The following MAPKAPK2 variants were observed in gnomAD, a reference collection of about 807,000 sequenced individuals.
The protein encoded by MAPKAPK2 is MAPK activated protein kinase 2.
A neutral mutation model predicts 48.8 loss-of-function variants in MAPKAPK2; 9 were observed. That is an observed-to-expected ratio of 0.18 (90% CI 0.11 to 0.32). The LOEUF (loss-of-function observed/expected upper bound fraction) is 0.32. Ranked by LOEUF, MAPKAPK2 falls within the 10% of genes least tolerant of loss-of-function variation. MAPKAPK2 has a pLI of 1.00. For missense variants in MAPKAPK2, 331 were observed against 498.3 expected (o/e 0.66, Z 3.20); for synonymous variants, 202 against 190.6 (o/e 1.06, Z -0.49).
At chr1:206,714,618 A>C (rs1017015017) in intron 1 of MAPKAPK2, among the ~76,000 whole-genome samples, 9 of 151,032 alleles carry the variant, frequency 6.0e-5, no homozygotes, top group Non-Finnish European at 1.3e-4. Context: ...AAAAAAAATT[A>C]GTTGGGTGTG....
In MAPKAPK2 at chr1:206,731,318, GTA is replaced by G; in HGVS notation, c.892+58_892+59del. ...AGAGCCCGTGTGTGTGTGTGTGTGTGTATGTGTGTACACGCAGACACATGTAT... is the reference window on the plus strand; with the variant it reads ...AGAGCCCGTGTGTGTGTGTGTGTGTGTGTGTGTACACGCAGACACATGTAT... On this transcript the variant is annotated intron_variant, in intron 7 of 9. Coordinates refer to ENST00000367103, the MANE Select transcript of MAPKAPK2 (RefSeq NM_032960.4). This position sits in a 1 kb window ranked among gnomAD's most constrained non-coding sequence, Gnocchi z 5.9. 6.3e-7 allele frequency: 1 copy of G among 1,593,582 alleles called. No homozygotes were observed. The highest frequency in any genetic ancestry group is 8.6e-7 in the Non-Finnish European group (1 of 1,167,508).
At position 206,731,102 on chromosome 1, in the gene MAPKAPK2, G is replaced by T; in HGVS notation, c.768-36G>T. The T allele has an allele frequency of 2.5e-6, 4 of 1,614,050 alleles. No individual in the cohort carries two copies. The highest frequency in any genetic ancestry group is 3.4e-6 in the Non-Finnish European group (4 of 1,179,872). On this transcript the variant is annotated intron_variant, in intron 6 of 9. Coordinates refer to ENST00000367103, the MANE Select transcript of MAPKAPK2 (RefSeq NM_032960.4). This position sits in a 1 kb window ranked among gnomAD's most constrained non-coding sequence, Gnocchi z 5.9. Reference sequence around the variant, plus strand: ...GGTACAGGGCCACTAAGTGACAGCTGTTCTGTCTCCCACTTCCTTCCTCCT... The same window carrying T: ...GGTACAGGGCCACTAAGTGACAGCTTTTCTGTCTCCCACTTCCTTCCTCCT...
intron 1 of MAPKAPK2, among the ~76,000 whole-genome samples, chr1:206,689,130 G>C (rs1264477899): frequency 2.0e-5 from 3 of 152,174 alleles, no homozygotes; most frequent in Non-Finnish European, 4.4e-5. Flanking sequence ...GCATGTTACT[G>C]CTTTATAAAA....
chr1:206,706,180 T>C (rs1276798264), intron 1 of MAPKAPK2, among the ~76,000 whole-genome samples: 1 of 151,940 alleles, frequency 6.6e-6, no homozygotes, highest in Non-Finnish European at 1.5e-5. Context: ...AAAAGGCTGC[T>C]TTTCCCCTCC....
At chr1:206,718,826 G>T (rs1399121517) in intron 1 of MAPKAPK2, among the ~76,000 whole-genome samples, 1 of 151,984 alleles carries the variant, frequency 6.6e-6, no homozygotes, top group East Asian at 1.9e-4. Flanking sequence ...GTAATTACTG[G>T]GTCCAAGGTT....
chr1:206,687,311 T>C (rs1672317534), intron 1 of MAPKAPK2, among the ~76,000 whole-genome samples: 1 of 152,256 alleles, frequency 6.6e-6, no homozygotes, highest in Admixed American at 6.5e-5. Flanking sequence ...ATTTCTCTTG[T>C]AACTAACGAG....
At chr1:206,722,065 CA>C (rs11431719) in intron 1 of MAPKAPK2, among the ~76,000 whole-genome samples, 221 of 125,760 alleles carry the variant, frequency 1.8e-3, no homozygotes, top group Middle Eastern at 4.3e-3. Flanking sequence ...AACTCTATTT[CA>C]AAAAAAAAAA....
intron 1 of MAPKAPK2, among the ~76,000 whole-genome samples, chr1:206,708,282 CCT>C (rs1275471914): frequency 6.6e-6 from 1 of 152,228 alleles, no homozygotes; most frequent in African/African-American, 2.4e-5. Flanking sequence ...CTCCCAGCCA[CCT>C]CTTGTTTCCC....
At chr1:206,698,067 T>G (rs1672686243) in intron 1 of MAPKAPK2, among the ~76,000 whole-genome samples, 1 of 152,270 alleles carries the variant, frequency 6.6e-6, no homozygotes, top group African/African-American at 2.4e-5. Flanking sequence ...CCAGGGAGCC[T>G]CGGGGACTAA....
In MAPKAPK2 at chr1:206,685,192, C is replaced by A; in HGVS notation, c.-38C>A. ...CCGGAGCCGGAGGAGGGGGCGGCCG[C>A]GGGCACCCCCGCCTGTGCCCCGGCG... On this transcript the variant is annotated 5_prime_UTR_variant, in exon 1 of 10. Transcript: ENST00000367103. 3.3e-6 allele frequency: 1 copy of A among 301,020 alleles called. No individual in the cohort carries two copies. The highest frequency in any genetic ancestry group is 1.0e-4 in the South Asian group (1 of 9,940). The allele number at this position is 301,020 out of a possible 1,614,324, so 18.6% of individuals were successfully genotyped here.
intron 6 of MAPKAPK2, 95 bp downstream of exon 6, chr1:206,730,858 C>A: frequency 7.3e-7 from 1 of 1,364,966 alleles, no homozygotes; most frequent in Non-Finnish European, 1.0e-6. Flanking sequence ...TAGCATTCCC[C>A]TTTGTACAGG....
intron 1 of MAPKAPK2, among the ~76,000 whole-genome samples, chr1:206,722,790 C>T (rs1490079153): frequency 6.6e-6 from 1 of 152,236 alleles, no homozygotes; most frequent in Non-Finnish European, 1.5e-5. Flanking sequence ...CTGAGGCTCA[C>T]CTGCAGCAGC....
At position 206,732,354 on chromosome 1, in the gene MAPKAPK2, A is replaced by T; in HGVS notation, c.1060-221A>T. The T allele has an allele frequency of 1.4e-6, 2 of 1,443,208 alleles. No homozygotes were observed. The highest frequency in any genetic ancestry group is 1.8e-6 in the Non-Finnish European group (2 of 1,101,012). The allele number at this position is 1,443,208 out of a possible 1,614,324, so 89.4% of individuals were successfully genotyped here. ...GGGATCACTGGGGGGCTCTCAGGGA[A>T]CAGCAGCAGTGCCATAGCCAGGCTC... On this transcript the variant is annotated intron_variant, in intron 9 of 9. Coordinates refer to ENST00000367103, the MANE Select transcript of MAPKAPK2 (RefSeq NM_032960.4). This position sits in a 1 kb window ranked among gnomAD's most constrained non-coding sequence, Gnocchi z 4.4.
In MAPKAPK2 at chr1:206,732,270, G is replaced by T; in HGVS notation, c.1060-305G>T. 1 of 1,458,722 alleles carries T rather than the reference G, an allele frequency of 6.9e-7. No homozygotes were observed. Among genetic ancestry groups the T allele is most frequent in the Non-Finnish European group, 9.0e-7 (1 of 1,106,266 alleles). 90.4% of individuals were successfully genotyped at this position (1,458,722 alleles called of 1,614,324 possible). The stretch of plus-strand genomic sequence containing the variant: ...AAGGTCACGCAGCTGGTGACTGGTT[G>T]GGGCAGACCGGACCCAGGTTTCCTG... On this transcript the variant is annotated intron_variant, in intron 9 of 9. Transcript: ENST00000367103. This position sits in a 1 kb window ranked among gnomAD's most constrained non-coding sequence, Gnocchi z 4.4.
intron 1 of MAPKAPK2, among the ~76,000 whole-genome samples, chr1:206,701,620 G>T (rs1422407394): frequency 6.6e-6 from 1 of 152,008 alleles, no homozygotes; most frequent in African/African-American, 2.4e-5. Flanking sequence ...AATTGCTTGA[G>T]CCCAGGAGTT....
intron 1 of MAPKAPK2, chr1:206,696,035 C>G (rs899814312): frequency 6.0e-6 from 5 of 836,402 alleles, no homozygotes; most frequent in South Asian, 2.7e-5. Context: ...GGCCACATCC[C>G]GGGCAGCCAA....
At chr1:206,714,989 T>C (rs1194760831) in intron 1 of MAPKAPK2, among the ~76,000 whole-genome samples, 2 of 152,154 alleles carry the variant, frequency 1.3e-5, no homozygotes, top group African/African-American at 4.8e-5. Flanking sequence ...TCCTCTCCCC[T>C]CAGCTCCTGA....
Position 206,728,596 on chromosome 1 carries a change from A to G in MAPKAPK2, c.280-114A>G, listed in dbSNP as rs1278526131. 6 of 1,158,744 alleles carry G rather than the reference A, an allele frequency of 5.2e-6. No homozygotes were observed. In the East Asian group the frequency reaches 1.6e-4, roughly 31 times the overall value. The allele number at this position is 1,158,744 out of a possible 1,614,324, so 71.8% of individuals were successfully genotyped here. On this transcript the variant is annotated intron_variant, in intron 1 of 9. Transcript: ENST00000367103. ...GCCAAGGGGGCTGGTGGGGGGGGCC[A>G]GCAGGAGTGGGGGGTTTGTGGTATG...
Position 206,731,670 on chromosome 1 carries a change from C to T in MAPKAPK2, c.923C>T (p.Thr308Ile). Residue 308 changes from threonine to isoleucine, a missense_variant, in exon 8 of 10, where the codon ACA becomes ATA. Coordinates refer to ENST00000367103, the MANE Select transcript of MAPKAPK2 (RefSeq NM_032960.4). This position sits in a 1 kb window ranked among gnomAD's most constrained non-coding sequence, Gnocchi z 5.9. The part of the protein sequence containing the change: ...VKMLIRNLLK[T>I]EPTQRMTITE... ...ATGCTCATTCGGAATCTGCTGAAAA[C>T]AGAGCCCACCCAGAGAATGACCATC... The T allele has an allele frequency of 3.7e-6, 6 of 1,614,166 alleles. No homozygotes were observed. Among genetic ancestry groups the T allele is most frequent in the Non-Finnish European group, 5.1e-6 (6 of 1,180,020 alleles).
Sources: gnomAD v4.1 joint callset for allele counts (sites outside exome capture counted in the v4.1 genomes callset) on GRCh38, gnomAD v4.1.1 for gene constraint, Gnocchi (gnomAD v3.1) non-coding constraint, MANE v1.5 for transcripts, NCBI Gene and HGNC (gene_info 2026-07-23, HGNC 2026-07-21) for gene names.